The following SNX8 variants were observed in gnomAD, a reference collection of about 807,000 sequenced individuals.
SNX8 encodes sorting nexin 8.
Under a neutral mutation model 51.6 loss-of-function variants are expected in SNX8, and 25 were observed. The observed-to-expected ratio is 0.48, with a 90% CI of 0.35 to 0.68. The LOEUF is 0.68. Among genes scored for constraint, SNX8 ranks in the 30% least tolerant of loss-of-function variants. SNX8 has a pLI of 0.00. For missense variants in SNX8, 695 were observed against 624.0 expected, an observed-to-expected ratio of 1.11 and a Z score of -1.21; for synonymous variants, 324 against 277.0, an observed-to-expected ratio of 1.17 and a Z score of -1.68.
At chr7:2,350,356 T>C (rs1412762943) in intron 1 of SNX8, among the ~76,000 whole-genome samples, 1 of 152,184 alleles carries the variant, frequency 6.6e-6, no homozygotes, top group Admixed American at 6.6e-5. Context: ...CAAGGGGCCG[T>C]GTGGCGGAAC....
chr7:2,284,533 T>C (rs1464461747), intron 1 of SNX8, among the ~76,000 whole-genome samples: 2 of 150,562 alleles, frequency 1.3e-5, no homozygotes, highest in Non-Finnish European at 2.9e-5. Flanking sequence ...TCCTACTGAG[T>C]AGCAGGGACT....
intron 1 of SNX8, among the ~76,000 whole-genome samples, chr7:2,339,322 C>CA (rs1034120915): frequency 3.1e-4 from 47 of 152,244 alleles, no homozygotes; most frequent in African/African-American, 1.1e-3. Context: ...TCTCCTGCCT[C>CA]AGCCTCCCGA....
At position 2,303,315 on chromosome 7, in the gene SNX8, C is replaced by T. The variant is rs577069088; in HGVS notation, c.94+11013G>A. Reference sequence around the variant, plus strand: ...CAGCCCCCCGCCCGGCCAGCCGCCCCGTCCGGGAGGGAGGTGGAGGGGTCA... The same window carrying T: ...CAGCCCCCCGCCCGGCCAGCCGCCCTGTCCGGGAGGGAGGTGGAGGGGTCA... On this transcript the variant is annotated intron_variant, in intron 1 of 10. Transcript: ENST00000222990. Among the ~76,000 whole-genome samples, 285 of 151,114 alleles carry T rather than the reference C, an allele frequency of 1.9e-3. 1 individual carries two copies. The highest frequency in any genetic ancestry group is 0.017 in the Admixed American group (256 of 15,204).
chr7:2,317,573 G>A (rs191057077), upstream of SNX8, among the ~76,000 whole-genome samples: 10 of 151,938 alleles, frequency 6.6e-5, no homozygotes, highest in South Asian at 4.2e-4. Flanking sequence ...CACCGTGCCC[G>A]GCCATCCTGG....
In SNX8 at chr7:2,264,409, A is replaced by G; in HGVS notation, c.671T>C (p.Leu224Pro). 6.2e-7 allele frequency: 1 copy of G among 1,612,616 alleles called. No individual in the cohort carries two copies. The highest frequency in any genetic ancestry group is 8.5e-7 in the Non-Finnish European group (1 of 1,179,992). ...AAAGCTATTGTAGATGTTCCGGATC[A>G]GCTCCCGGCTGATGGCAAACTGAGC... Reference protein sequence around the residue: ...IQAQFAISRELIRNIYNSFHK... With the variant: ...IQAQFAISREPIRNIYNSFHK... Residue 224 changes from leucine (L) to proline (P), a missense_variant, in exon 6 of 11, where the codon CTG (leucine) becomes CCG (proline). Coordinates refer to ENST00000222990, the MANE Select transcript of SNX8 (RefSeq NM_013321.4).
At chr7:2,314,254 T>C in intron 1 of SNX8, 74 bp downstream of exon 1, 2 of 1,206,782 alleles carry the variant, frequency 1.7e-6, no homozygotes, top group Non-Finnish European at 2.1e-6. Flanking sequence ...GCGCGGCGGC[T>C]GAGCCCCGTC....
intron 1 of SNX8, among the ~76,000 whole-genome samples, chr7:2,329,200 G>C (rs1778685079): frequency 6.6e-6 from 1 of 151,736 alleles, no homozygotes; most frequent in South Asian, 2.1e-4. Context: ...GAACCCAGGA[G>C]GCGGAGGTTA....
At chr7:2,332,742 A>AGAG (rs1778758587) in intron 1 of SNX8, among the ~76,000 whole-genome samples, 3 of 111,156 alleles carry the variant, frequency 2.7e-5, no homozygotes, top group Non-Finnish European at 6.0e-5. Context: ...AGAGAGAGAG[A>AGAG]AAAGGAAGGA....
chr7:2,324,340 G>C (rs1778590605), intron 1 of SNX8, among the ~76,000 whole-genome samples: 1 of 148,348 alleles, frequency 6.7e-6, no homozygotes, highest in Non-Finnish European at 1.5e-5. Context: ...GTCCAGGCTA[G>C]AGTGCAGTGG....
intron 1 of SNX8, among the ~76,000 whole-genome samples, chr7:2,294,434 G>A (rs999289438): frequency 3.9e-5 from 6 of 152,106 alleles, no homozygotes; most frequent in South Asian, 2.1e-4. Flanking sequence ...GAAGTCTACC[G>A]GACACTTCAT....
At chr7:2,304,519 G>A (rs892289945) in intron 1 of SNX8, among the ~76,000 whole-genome samples, 9 of 151,992 alleles carry the variant, frequency 5.9e-5, no homozygotes, top group African/African-American at 1.9e-4. Context: ...ACTCCAGCCT[G>A]GGCGACAGAG....
upstream of SNX8, chr7:2,314,492 G>GC (rs1796722885): frequency 8.6e-7 from 1 of 1,164,536 alleles, no homozygotes; most frequent in African/African-American, 1.6e-5. Flanking sequence ...CCGCGCCCTC[G>GC]CCCCGCCCAC....
In SNX8 at chr7:2,257,729, A is replaced by G; in HGVS notation, c.984+6T>C. 1 of 1,613,100 alleles carries G rather than the reference A, an allele frequency of 6.2e-7. No individual in the cohort carries two copies. Among genetic ancestry groups the G allele is most frequent in the Non-Finnish European group, 8.5e-7 (1 of 1,179,294 alleles). On this transcript the variant is annotated splice_donor_region_variant and intron_variant, in intron 8 of 10. Coordinates refer to ENST00000222990, the MANE Select transcript of SNX8 (RefSeq NM_013321.4). ...TGCCCCCAGCCAAGGAGCAGCCAAG[A>G]CTCACCTTATAGGACTGCAGCAGAT...
At chr7:2,260,541 C>T (rs765209315) in intron 7 of SNX8, among the ~76,000 whole-genome samples, 7 of 152,172 alleles carry the variant, frequency 4.6e-5, no homozygotes, top group Non-Finnish European at 1.0e-4. Flanking sequence ...ATGGAAAACA[C>T]AGACCCTACT....
chr7:2,328,364 T>C (rs13223143), intron 1 of SNX8, among the ~76,000 whole-genome samples: 2 of 151,798 alleles, frequency 1.3e-5, no homozygotes, highest in African/African-American at 4.8e-5. Context: ...GCCTGTTTTT[T>C]TATTTTCTGT....
chr7:2,298,452 C>A (rs13233723), intron 1 of SNX8, among the ~76,000 whole-genome samples: 45,771 of 151,844 alleles, frequency 0.3, 8,155 homozygotes, highest in East Asian at 0.6. Flanking sequence ...TCTCTGCAAC[C>A]GCAGCCTCCC....
rs549602350 is a variant in SNX8 at position 2,302,227 on chromosome 7, C to T, written c.94+12101G>A. Among the ~76,000 whole-genome samples, 137 of 151,186 alleles carry T rather than the reference C, an allele frequency of 9.1e-4. 1 individual carries two copies. The highest frequency in any genetic ancestry group is 3.0e-3 in the African/African-American group (122 of 40,954). On this transcript the variant is annotated intron_variant, in intron 1 of 10. Coordinates refer to ENST00000222990, the MANE Select transcript of SNX8 (RefSeq NM_013321.4). ...GCCTGATTCTCCTGCCTCAGCCTGC[C>T]GAGTGCCTGCGATTGCAGGCTCGCG...
chr7:2,268,540 G>C (rs1331002963), intron 5 of SNX8, among the ~76,000 whole-genome samples: 1 of 145,912 alleles, frequency 6.9e-6, no homozygotes, highest in African/African-American at 2.5e-5. Flanking sequence ...TGCCATCCGG[G>C]AGGGAGGTGG....
chr7:2,324,588 A>C (rs1177719561), intron 1 of SNX8, among the ~76,000 whole-genome samples: 2 of 151,790 alleles, frequency 1.3e-5, no homozygotes, highest in Non-Finnish European at 2.9e-5. Context: ...ACTGTGACTG[A>C]CCTATTTTTC....
Sources: gnomAD v4.1 joint callset for allele counts (sites outside exome capture counted in the v4.1 genomes callset) on GRCh38, gnomAD v4.1.1 for gene constraint, MANE v1.5 for transcripts, NCBI Gene and HGNC (gene_info 2026-07-23, HGNC 2026-07-21) for gene names.